The following SNX13 variants were observed in gnomAD, a reference collection of about 807,000 sequenced individuals.
SNX13 encodes the protein sorting nexin-13.
SNX13 carries 45 observed loss-of-function variants against 133.6 expected under a neutral mutation model. The ratio of observed to expected loss-of-function variants is 0.34; its 90% CI spans 0.27 to 0.43. The LOEUF (loss-of-function observed/expected upper bound fraction) is 0.43, where lower values mean the gene tolerates loss of function less well. SNX13 is among the 20% of genes least tolerant of loss of function. SNX13 has a pLI of 1.00. For synonymous variants in SNX13, 414 were observed against 373.9 expected, an observed-to-expected ratio of 1.11 and a Z score of -1.24; for missense variants, 1,032 against 1,145.1, an observed-to-expected ratio of 0.90 and a Z score of 1.43.
At chr7:17,935,405 T>G (rs1299048626) in intron 1 of SNX13, among the ~76,000 whole-genome samples, 3 of 152,158 alleles carry the variant, frequency 2.0e-5, no homozygotes, top group Admixed American at 1.3e-4. Context: ...GTACAAAGTT[T>G]CAGATAGATA....
chr7:17,894,034 G>A (rs1048032958), intron 2 of SNX13, among the ~76,000 whole-genome samples: 6 of 151,370 alleles, frequency 4.0e-5, no homozygotes, highest in African/African-American at 1.5e-4. Flanking sequence ...TGAGCACAGT[G>A]GCTCACACCT....
Position 17,834,046 on chromosome 7 carries a change from C to T in SNX13, c.1597+6G>A. 6.5e-7 allele frequency: 1 copy of T among 1,539,014 alleles called. No individual in the cohort carries two copies. The stretch of plus-strand genomic sequence containing the variant: ...CATATTATGTGTAAAATGGGTGCCA[C>T]CTTACCTCCATCCCCATCATCGGAT... On this transcript the variant is annotated splice_donor_region_variant and intron_variant, in intron 15 of 25. Transcript: ENST00000428135.
chr7:17,928,234 G>A (rs1334783290), intron 1 of SNX13, among the ~76,000 whole-genome samples: 7 of 152,154 alleles, frequency 4.6e-5, no homozygotes, highest in Non-Finnish European at 8.8e-5. Flanking sequence ...ACAGCAGCAC[G>A]TGGATGTAGC....
intron 9 of SNX13, among the ~76,000 whole-genome samples, chr7:17,855,003 C>T (rs1047948295): frequency 3.3e-5 from 5 of 152,162 alleles, no homozygotes; most frequent in Non-Finnish European, 1.5e-5. Flanking sequence ...AAAAAAGGTT[C>T]TTCAGGGAAA....
chr7:17,881,190 T>A (rs558783692), intron 5 of SNX13: 1 of 151,954 alleles, frequency 6.6e-6, no homozygotes, highest in East Asian at 1.9e-4. Context: ...TGGTAGAGTA[T>A]ACTATATACT....
intron 20 of SNX13, among the ~76,000 whole-genome samples, chr7:17,807,599 C>G (rs1362096126): frequency 6.6e-6 from 1 of 152,234 alleles, no homozygotes; most frequent in Non-Finnish European, 1.5e-5. Context: ...TCTCCCAGCA[C>G]AGCGATCGAG....
chr7:17,878,579 G>A (rs1164583020), intron 5 of SNX13, among the ~76,000 whole-genome samples: 9 of 152,034 alleles, frequency 5.9e-5, no homozygotes, highest in Admixed American at 5.2e-4. Context: ...TGCCACCATC[G>A]TATCCCTCGC....
chr7:17,845,598 T>C lies in SNX13; in HGVS notation c.1162A>G (p.Met388Val). 1.3e-6 allele frequency: 2 copies of C among 1,579,496 alleles called. No homozygotes were observed. The highest frequency in any genetic ancestry group is 1.2e-5 in the South Asian group (1 of 84,090). ...LVDNVALQFF[M>V]DYMQQTGGQA... ...TAAATAGAATTGATCTACCTACCCA[T>C]AAAAAATTGTAGTGCAACATTGTCT... Residue 388 changes from methionine to valine, a missense_variant, in exon 12 of 26, where the codon ATG (methionine) becomes GTG (valine). Met to Val is a conservative substitution (Grantham distance 21). Coordinates refer to ENST00000428135, the MANE Select transcript of SNX13 (RefSeq NM_015132.5).
At chr7:17,830,168 A>AAT in intron 15 of SNX13, 121 bp from the exon 16 acceptor site, 1 of 1,121,756 alleles carries the variant, frequency 8.9e-7, no homozygotes, top group Non-Finnish European at 1.1e-6. Flanking sequence ...TAGTAAAAAA[A>AAT]AAAAAAAAAA....
chr7:17,881,736 T>G (rs1795376692), intron 5 of SNX13: 1 of 152,148 alleles, frequency 6.6e-6, no homozygotes, highest in African/African-American at 2.4e-5. Context: ...ATACTACTCT[T>G]CACTCTAAAT....
chr7:17,809,875 G>A (rs1181052426), intron 20 of SNX13, among the ~76,000 whole-genome samples: 1 of 152,152 alleles, frequency 6.6e-6, no homozygotes, highest in Non-Finnish European at 1.5e-5. Flanking sequence ...TGACCACTGG[G>A]TAAATAACGA....
Position 17,801,277 on chromosome 7 carries a change from T to C in SNX13, c.2298+311A>G, listed in dbSNP as rs139098609. On this transcript the variant is annotated intron_variant, in intron 22 of 25. Transcript: ENST00000428135. ...TTGAGCAAAAAAAAGTCAGACTTCA[T>C]GGAATACGTACCTTACAGTTTCATA... 3.8e-3 allele frequency among the ~76,000 whole-genome samples: 575 copies of C among 151,656 alleles called. 3 individuals carry two copies. The highest frequency in any genetic ancestry group is 0.013 in the African/African-American group (543 of 41,446).
chr7:17,895,423 G>A (rs1436626743), intron 2 of SNX13, among the ~76,000 whole-genome samples: 2 of 152,036 alleles, frequency 1.3e-5, no homozygotes, highest in Non-Finnish European at 1.5e-5. Context: ...AAAAAATAAG[G>A]AGTTAACTTT....
At chr7:17,886,914 T>G (rs2127988081) in intron 5 of SNX13, among the ~76,000 whole-genome samples, 1 of 152,046 alleles carries the variant, frequency 6.6e-6, no homozygotes, top group Middle Eastern at 3.4e-3. Flanking sequence ...AAATGATTGT[T>G]TTATTTCTCT....
At chr7:17,819,591 T>G (rs1787054094) in intron 18 of SNX13, among the ~76,000 whole-genome samples, 1 of 152,210 alleles carries the variant, frequency 6.6e-6, no homozygotes. Flanking sequence ...ATAATTTTAC[T>G]TTAAGAGCTC....
intron 1 of SNX13, chr7:17,900,383 T>G (rs1346359964): frequency 6.6e-6 from 1 of 152,378 alleles, no homozygotes; most frequent in African/African-American, 2.4e-5. Flanking sequence ...GATAGGCTTG[T>G]GTCCTTCCCT....
At chr7:17,914,432 G>A (rs1406103469) in intron 1 of SNX13, among the ~76,000 whole-genome samples, 1 of 152,044 alleles carries the variant, frequency 6.6e-6, no homozygotes, top group Non-Finnish European at 1.5e-5. Context: ...AAGACACATA[G>A]TAATCAGACC....
At chr7:17,894,952 T>C (rs1797044864) in intron 2 of SNX13, among the ~76,000 whole-genome samples, 1 of 152,214 alleles carries the variant, frequency 6.6e-6, no homozygotes, top group Admixed American at 6.5e-5. Flanking sequence ...AATTCTGTTT[T>C]TGTTATTTGT....
At chr7:17,845,373 G>A (rs1319213566) in intron 12 of SNX13, among the ~76,000 whole-genome samples, 1 of 152,182 alleles carries the variant, frequency 6.6e-6, no homozygotes, top group Non-Finnish European at 1.5e-5. Flanking sequence ...CAGGGGTTGA[G>A]AGTGTGAGGA....
Sources: gnomAD v4.1 joint callset for allele counts (sites outside exome capture counted in the v4.1 genomes callset) on GRCh38, gnomAD v4.1.1 for gene constraint, MANE v1.5 for transcripts, NCBI Gene and HGNC (gene_info 2026-07-23, HGNC 2026-07-21) for gene names.